BANK1: variants seen among roughly 807,000 people sequenced by gnomAD.
BANK1 encodes the protein B cell scaffold protein with ankyrin repeats 1.
In BANK1, 95 loss-of-function variants were observed where a neutral mutation model predicts 94.5. The observed-to-expected ratio is 1.00, with a 90% CI of 0.85 to 1.19. The LOEUF (loss-of-function observed/expected upper bound fraction) is 1.19. Among genes scored for constraint, BANK1 ranks in the 50% most tolerant of loss-of-function variants. BANK1 has a pLI of 0.00. For synonymous variants in BANK1, 334 were observed against 308.4 expected (o/e 1.08, Z -0.87); for missense variants, 987 against 932.2 (o/e 1.06, Z -0.77).
chr4:102,012,294 T>G (rs1726536168), intron 7 of BANK1, among the ~76,000 whole-genome samples: 1 of 152,154 alleles, frequency 6.6e-6, no homozygotes, highest in Non-Finnish European at 1.5e-5. Context: ...GTTGAAGCCG[T>G]CAGGCTAAAA....
intron 7 of BANK1, among the ~76,000 whole-genome samples, chr4:101,978,820 A>G (rs1474791362): frequency 6.6e-6 from 1 of 152,086 alleles, no homozygotes; most frequent in African/African-American, 2.4e-5. Flanking sequence ...TTCCGTAGAA[A>G]CACCAAATTT....
rs780445953 is a variant in BANK1, at chr4:101,855,203, C to G, written c.624+14C>G. The G allele has an allele frequency of 1.9e-6, 3 of 1,606,662 alleles. No homozygotes were observed. The African/African-American group carries it at 4.0e-5, about 22-fold the overall frequency. ...ATTCCATGTGAGGTCAGTAAAGATACCTTGTTATTTAAGTGACCCCATTGT... is the reference window on the plus strand; with the variant it reads ...ATTCCATGTGAGGTCAGTAAAGATAGCTTGTTATTTAAGTGACCCCATTGT... On this transcript the variant is annotated intron_variant, in intron 3 of 16. Coordinates refer to ENST00000322953, the MANE Select transcript of BANK1 (RefSeq NM_017935.5).
chr4:101,839,477 G>A (rs755139108), intron 2 of BANK1, among the ~76,000 whole-genome samples: 13 of 152,076 alleles, frequency 8.5e-5, no homozygotes, highest in Non-Finnish European at 1.9e-4. Context: ...TTTCTAGGGA[G>A]GTAAGTAATG....
At chr4:101,821,677 A>AT (rs1726155163) in intron 1 of BANK1, among the ~76,000 whole-genome samples, 1 of 151,968 alleles carries the variant, frequency 6.6e-6, no homozygotes, top group Non-Finnish European at 1.5e-5. Context: ...TGTTTGCTTG[A>AT]TTTTTTGAAT....
intron 7 of BANK1, among the ~76,000 whole-genome samples, chr4:102,016,464 A>G (rs771963577): frequency 6.6e-6 from 1 of 152,116 alleles, no homozygotes; most frequent in Non-Finnish European, 1.5e-5. Context: ...CTGAAGCAAA[A>G]TTGTCCTATA....
chr4:101,903,741 C>T (rs1722356245), intron 6 of BANK1, among the ~76,000 whole-genome samples: 1 of 152,128 alleles, frequency 6.6e-6, no homozygotes, highest in South Asian at 2.1e-4. Context: ...TTAATGTCCC[C>T]TAGTAATTTC....
intron 7 of BANK1, among the ~76,000 whole-genome samples, chr4:101,994,503 G>T (rs964897152): frequency 1.3e-5 from 2 of 152,150 alleles, no homozygotes; most frequent in South Asian, 2.1e-4. Context: ...GATAGAATCT[G>T]TTTTTTTAAA....
intron 2 of BANK1, among the ~76,000 whole-genome samples, chr4:101,851,142 G>A (rs4610336): frequency 0.55 from 83,051 of 151,982 alleles, 24,022 homozygotes; most frequent in African/African-American, 0.74. Context: ...CAAGTTGTGA[G>A]TGCAAAGGAA....
At chr4:101,872,263 T>G (rs1728320240) in intron 5 of BANK1, among the ~76,000 whole-genome samples, 1 of 152,048 alleles carries the variant, frequency 6.6e-6, no homozygotes. Flanking sequence ...ATTAAGAGAT[T>G]GTTTAATTTA....
rs1217448279 is a variant in BANK1, at chr4:101,907,128, G to C, written c.1010-10865G>C. Among the ~76,000 whole-genome samples, 4 of 152,180 alleles carry C rather than the reference G, an allele frequency of 2.6e-5. No homozygotes were observed. The East Asian group carries it at 7.7e-4, about 29-fold the overall frequency. On this transcript the variant is annotated intron_variant, in intron 6 of 16. Coordinates refer to ENST00000322953, the MANE Select transcript of BANK1 (RefSeq NM_017935.5). ...AGGTTGGGCTAGTTAACTGCAGCAG[G>C]AACATGTCCTTAAGGCACAGATCAC...
rs904161752 is a variant in BANK1, at chr4:102,057,368, C to CT, written c.1970-2834dup. On this transcript the variant is annotated intron_variant, in intron 11 of 16. Coordinates refer to ENST00000322953, the MANE Select transcript of BANK1 (RefSeq NM_017935.5). Reference sequence around the variant, plus strand: ...TCTCTCTCGCTTTCTCTCTCTCTCTCTTTTTTTTTCTTAAGCAAGGTCTGC... The same window carrying CT: ...TCTCTCTCGCTTTCTCTCTCTCTCTCTTTTTTTTTTCTTAAGCAAGGTCTGC... Among the ~76,000 whole-genome samples, 48 of 84,596 alleles carry CT rather than the reference C, an allele frequency of 5.7e-4. No homozygotes were observed. The South Asian group carries it at 8.2e-3, about 15-fold the overall frequency. 55.5% of individuals were successfully genotyped at this position (84,596 alleles called of 152,430 possible).
intron 1 of BANK1, among the ~76,000 whole-genome samples, chr4:101,806,481 G>T (rs991640984): frequency 1.3e-5 from 2 of 152,150 alleles, no homozygotes; most frequent in Non-Finnish European, 2.9e-5. Flanking sequence ...CGTTGCACTG[G>T]ATTTGAAGTT....
chr4:101,936,500 A>T (rs1212768947), intron 7 of BANK1, among the ~76,000 whole-genome samples: 1 of 150,510 alleles, frequency 6.6e-6, no homozygotes, highest in Non-Finnish European at 1.5e-5. Flanking sequence ...ACATATATGT[A>T]TAAGATGTAT....
intron 12 of BANK1, chr4:102,062,806 T>C (rs72922880): frequency 0.032 from 11,323 of 353,064 alleles, 465 homozygotes; most frequent in African/African-American, 0.12. Flanking sequence ...CTACCACTTA[T>C]AACTATGAAT....
Position 101,983,046 on chromosome 4 carries a change from G to T in BANK1, c.1207-38468G>T, listed in dbSNP as rs117485338. ...TTTTTATGCTATCATTTCCCAAGGCGCAGTATAACTATCCCCTAACAAATT... is the reference window on the plus strand; with the variant it reads ...TTTTTATGCTATCATTTCCCAAGGCTCAGTATAACTATCCCCTAACAAATT... On this transcript the variant is annotated intron_variant, in intron 7 of 16. Transcript: ENST00000322953. Among the ~76,000 whole-genome samples, 5 of 151,898 alleles carry T rather than the reference G, an allele frequency of 3.3e-5. No individual in the cohort carries two copies. In the South Asian group the frequency reaches 8.3e-4, roughly 25 times the overall value.
chr4:101,983,812 A>G (rs954850707), intron 7 of BANK1, among the ~76,000 whole-genome samples: 1 of 152,116 alleles, frequency 6.6e-6, no homozygotes, highest in African/African-American at 2.4e-5. Context: ...AAATTAGCTT[A>G]TTTACTTTCA....
chr4:101,938,575 T>C (rs1723647577), intron 7 of BANK1, among the ~76,000 whole-genome samples: 1 of 151,564 alleles, frequency 6.6e-6, no homozygotes, highest in South Asian at 2.1e-4. Flanking sequence ...TAAATATATA[T>C]ACCTACTATG....
intron 10 of BANK1, among the ~76,000 whole-genome samples, chr4:102,039,056 T>C (rs542121593): frequency 6.6e-6 from 1 of 152,256 alleles, no homozygotes; most frequent in Non-Finnish European, 1.5e-5. Context: ...GTAACCCAAG[T>C]CAGTGATCTC....
In BANK1 at chr4:101,830,779, G is replaced by A. The variant is rs570047817; in HGVS notation, c.469+573G>A. Among the ~76,000 whole-genome samples the A allele has an allele frequency of 5.9e-5, 9 of 152,280 alleles. No homozygotes were observed. In the East Asian group the frequency reaches 1.7e-3, roughly 29 times the overall value. ...TTATTCTGCTAGGTGTGAAAGGGGT[G>A]CTGTGGTCAGCTGCTTCCCTGGTTT... On this transcript the variant is annotated intron_variant, in intron 2 of 16. Transcript: ENST00000322953.
Sources: gnomAD v4.1 joint callset for allele counts (sites outside exome capture counted in the v4.1 genomes callset) on GRCh38, gnomAD v4.1.1 for gene constraint, MANE v1.5 for transcripts, NCBI Gene and HGNC (gene_info 2026-07-23, HGNC 2026-07-21) for gene names.